Variants in C8orf34 observed in about 807,000 individuals in gnomAD.
The protein encoded by C8orf34 is chromosome 8 open reading frame 34, also known as uncharacterized protein C8orf34.
A neutral mutation model predicts 68.3 loss-of-function variants in C8orf34; 65 were observed. That is an observed-to-expected ratio of 0.95 (90% CI 0.78 to 1.17). The LOEUF is 1.17. C8orf34 is among the 50% of genes most tolerant of loss of function. C8orf34 has a pLI of 0.00. For synonymous variants in C8orf34, 244 were observed against 241.2 expected (o/e 1.01, Z -0.11); for missense variants, 664 against 655.4 (o/e 1.01, Z -0.14).
intron 12 of C8orf34, among the ~76,000 whole-genome samples, chr8:68,796,358 G>A (rs185609588): frequency 1.3e-5 from 2 of 152,088 alleles, no homozygotes; most frequent in African/African-American, 2.4e-5. Context: ...TTCTGCAAGT[G>A]TTTCTCTACT....
Position 68,407,021 on chromosome 8 carries a change from G to T in C8orf34, c.328-32478G>T, listed in dbSNP as rs932445951. ...GAGGTGGCTGGAGCATGAGCTACAC[G>T]CATACGATCTGCCTCAGCTTTGCAA... On this transcript the variant is annotated intron_variant, in intron 1 of 13. Coordinates refer to ENST00000518698, the MANE Select transcript of C8orf34 (RefSeq NM_052958.4). 2.6e-5 allele frequency among the ~76,000 whole-genome samples: 4 copies of T among 152,124 alleles called. No homozygotes were observed. The South Asian group carries it at 6.2e-4, about 24-fold the overall frequency.
chr8:68,477,046 G>T (rs562387231), intron 4 of C8orf34, among the ~76,000 whole-genome samples: 132 of 152,246 alleles, frequency 8.7e-4, no homozygotes, highest in African/African-American at 2.9e-3. Context: ...TTAGGAAGTT[G>T]CCATGTCAGC....
rs547414513 is a variant in C8orf34, at chr8:68,458,796, A to G, written c.608-9896A>G. 9.0e-4 allele frequency among the ~76,000 whole-genome samples: 137 copies of G among 152,344 alleles called. 1 individual carries two copies. The Middle Eastern group carries it at 0.01, about 11-fold the overall frequency. On this transcript the variant is annotated intron_variant, in intron 3 of 13. Coordinates refer to ENST00000518698, the MANE Select transcript of C8orf34 (RefSeq NM_052958.4). Reference sequence around the variant, plus strand: ...TACTCTCTGCTGCTAGCACACTGGCATGTTAGTAATTTTAGCTGATATCCC... The same window carrying G: ...TACTCTCTGCTGCTAGCACACTGGCGTGTTAGTAATTTTAGCTGATATCCC...
chr8:68,361,928 G>A (rs1156421706), intron 1 of C8orf34, among the ~76,000 whole-genome samples: 1 of 152,208 alleles, frequency 6.6e-6, no homozygotes, highest in Non-Finnish European at 1.5e-5. Context: ...GAAGGTTAAA[G>A]ATCTACTAAC....
At chr8:68,350,511 G>T (rs2129618507) in intron 1 of C8orf34, among the ~76,000 whole-genome samples, 1 of 152,046 alleles carries the variant, frequency 6.6e-6, no homozygotes, top group African/African-American at 2.4e-5. Flanking sequence ...TTCATGATCT[G>T]TCTAATACTG....
At chr8:68,449,531 A>G (rs546824656) in intron 3 of C8orf34, among the ~76,000 whole-genome samples, 7 of 152,138 alleles carry the variant, frequency 4.6e-5, no homozygotes, top group Non-Finnish European at 1.0e-4. Context: ...TTGTGGGTTC[A>G]GTTCCAGGCC....
At chr8:68,612,644 C>T in intron 7 of C8orf34, among the ~76,000 whole-genome samples, 1 of 152,014 alleles carries the variant, frequency 6.6e-6, no homozygotes, top group Non-Finnish European at 1.5e-5. Flanking sequence ...CTATCATATG[C>T]CAAGACCTAT....
At chr8:68,753,287 G>C (rs1294200101) in intron 10 of C8orf34, among the ~76,000 whole-genome samples, 1 of 152,112 alleles carries the variant, frequency 6.6e-6, no homozygotes, top group African/African-American at 2.4e-5. Flanking sequence ...AATCAACTGA[G>C]ATAATAAATA....
intron 1 of C8orf34, among the ~76,000 whole-genome samples, chr8:68,332,895 A>G (rs2129617688): frequency 6.6e-6 from 1 of 152,312 alleles, no homozygotes; most frequent in Admixed American, 6.5e-5. Flanking sequence ...CTTTAGTTTA[A>G]TGATTATTGA....
At chr8:68,524,777 A>T in intron 6 of C8orf34, among the ~76,000 whole-genome samples, 1 of 152,226 alleles carries the variant, frequency 6.6e-6, no homozygotes, top group Admixed American at 6.5e-5. Flanking sequence ...TAATAAGCCT[A>T]TATACTCTTA....
intron 12 of C8orf34, among the ~76,000 whole-genome samples, chr8:68,805,731 T>C (rs1824461330): frequency 6.6e-6 from 1 of 152,180 alleles, no homozygotes; most frequent in Non-Finnish European, 1.5e-5. Flanking sequence ...ATCAGACAAT[T>C]CTCTTCAAAA....
At chr8:68,663,934 A>C (rs1819761317) in intron 8 of C8orf34, among the ~76,000 whole-genome samples, 1 of 152,216 alleles carries the variant, frequency 6.6e-6, no homozygotes, top group African/African-American at 2.4e-5. Flanking sequence ...CCACAAATTG[A>C]GAAGATGGTG....
At chr8:68,469,826 A>AT (rs914216117) in intron 4 of C8orf34, among the ~76,000 whole-genome samples, 6 of 151,804 alleles carry the variant, frequency 4.0e-5, no homozygotes, top group African/African-American at 7.2e-5. Flanking sequence ...TAATTTCATT[A>AT]TTTTTATCAA....
chr8:68,777,453 C>G (rs894852614), intron 11 of C8orf34, among the ~76,000 whole-genome samples: 2 of 152,218 alleles, frequency 1.3e-5, no homozygotes, highest in African/African-American at 4.8e-5. Flanking sequence ...ATGTTGTACA[C>G]AAGTGTAAAT....
In C8orf34 at chr8:68,687,362, T is replaced by C. The variant is rs554360087; in HGVS notation, c.1242-21632T>C. 2.6e-5 allele frequency among the ~76,000 whole-genome samples: 4 copies of C among 152,158 alleles called. No homozygotes were observed. The East Asian group carries it at 7.7e-4, about 29-fold the overall frequency. On this transcript the variant is annotated intron_variant, in intron 8 of 13. Coordinates refer to ENST00000518698, the MANE Select transcript of C8orf34 (RefSeq NM_052958.4). Reference sequence around the variant, plus strand: ...GCATCACATTACTGGACTTCAAATTTTTCTACAAGGCTATAGCTCCCAAAA... The same window carrying C: ...GCATCACATTACTGGACTTCAAATTCTTCTACAAGGCTATAGCTCCCAAAA...
intron 8 of C8orf34, among the ~76,000 whole-genome samples, chr8:68,655,716 G>T (rs528316955): frequency 6.6e-6 from 1 of 152,088 alleles, no homozygotes; most frequent in Non-Finnish European, 1.5e-5. Context: ...TTCCATTTAC[G>T]ATGGGTTAAT....
intron 7 of C8orf34, among the ~76,000 whole-genome samples, chr8:68,553,405 A>AAAAAAAAAAAAAAAAAAAC (rs1554577324): frequency 7.1e-6 from 1 of 141,098 alleles, no homozygotes; most frequent in African/African-American, 2.8e-5. Context: ...AAAAAAAAAA[A>AAAAAAAAAAAAAAAAAAAC]AAAAACATAT....
rs1294431092 is a variant in C8orf34 at position 68,729,753 on chromosome 8, C to T, written c.1404+8316C>T. ...GGAATAGTTCTTTAGTGGACCTTTACATTATGTATTTACCTATACATATTC... is the reference window on the plus strand; with the variant it reads ...GGAATAGTTCTTTAGTGGACCTTTATATTATGTATTTACCTATACATATTC... On this transcript the variant is annotated intron_variant, in intron 10 of 13. Transcript: ENST00000518698. 5.9e-5 allele frequency among the ~76,000 whole-genome samples: 9 copies of T among 152,254 alleles called. 1 individual carries two copies. In the South Asian group the frequency reaches 1.0e-3, roughly 18 times the overall value.
At chr8:68,671,550 T>C (rs946941763) in intron 8 of C8orf34, among the ~76,000 whole-genome samples, 1 of 152,180 alleles carries the variant, frequency 6.6e-6, no homozygotes, top group African/African-American at 2.4e-5. Flanking sequence ...TAGAATACAA[T>C]ACTAGCATGG....
Sources: gnomAD v4.1 joint callset for allele counts (sites outside exome capture counted in the v4.1 genomes callset) on GRCh38, gnomAD v4.1.1 for gene constraint, MANE v1.5 for transcripts, NCBI Gene and HGNC (gene_info 2026-07-23, HGNC 2026-07-21) for gene names.